Variants in CERS6 observed in about 807,000 individuals in gnomAD.
CERS6 encodes the protein LAG1 homolog, ceramide synthase 6.
A neutral mutation model predicts 56.8 loss-of-function variants in CERS6; 26 were observed. The observed-to-expected ratio is 0.46, with a 90% CI of 0.34 to 0.63. The LOEUF (loss-of-function observed/expected upper bound fraction) is 0.63. Ranked by LOEUF, CERS6 falls within the 30% of genes least tolerant of loss-of-function variation. The pLI is 0.01. For missense variants in CERS6, 415 were observed against 467.5 expected, an observed-to-expected ratio of 0.89 and a Z score of 1.04; for synonymous variants, 164 against 173.3, an observed-to-expected ratio of 0.95 and a Z score of 0.42.
chr2:168,704,755 T>C (rs1047424857), intron 6 of CERS6, among the ~76,000 whole-genome samples: 4 of 152,092 alleles, frequency 2.6e-5, no homozygotes, highest in Non-Finnish European at 5.9e-5. Context: ...TACAGGTGCG[T>C]GCCACCACAC....
At chr2:168,513,578 A>C (rs1694833240) in intron 1 of CERS6, among the ~76,000 whole-genome samples, 1 of 152,176 alleles carries the variant, frequency 6.6e-6, no homozygotes, top group African/African-American at 2.4e-5. Flanking sequence ...GAGGAAGACC[A>C]CAGAGGTGAC....
intron 8 of CERS6, among the ~76,000 whole-genome samples, chr2:168,741,216 C>G (rs1683890984): frequency 6.6e-6 from 1 of 152,056 alleles, no homozygotes; most frequent in South Asian, 2.1e-4. Context: ...ATAAAAGCAA[C>G]AGTGTATCTC....
At chr2:168,473,609 T>C (rs1054456442) in intron 1 of CERS6, among the ~76,000 whole-genome samples, 1 of 152,204 alleles carries the variant, frequency 6.6e-6, no homozygotes, top group Non-Finnish European at 1.5e-5. Context: ...TTATCTAACA[T>C]TAATGCTACA....
At chr2:168,630,803 A>G (rs974467020) in intron 3 of CERS6, among the ~76,000 whole-genome samples, 182 bp from the exon 4 acceptor site, 7 of 152,322 alleles carry the variant, frequency 4.6e-5, no homozygotes, top group Non-Finnish European at 8.8e-5. Flanking sequence ...AATATTTTCT[A>G]TAAGCCATGT....
chr2:168,597,993 A>T (rs1014847162), intron 3 of CERS6, among the ~76,000 whole-genome samples: 4 of 151,998 alleles, frequency 2.6e-5, no homozygotes, highest in Non-Finnish European at 5.9e-5. Flanking sequence ...TTTGTCCTTT[A>T]TCTATAGGTG....
intron 9 of CERS6, chr2:168,766,306 T>G: frequency 6.3e-7 from 1 of 1,597,612 alleles, no homozygotes; most frequent in East Asian, 2.2e-5. Context: ...TTCTCTTCCT[T>G]CTGCTACCCT....
At position 168,466,557 on chromosome 2, in the gene CERS6, G is replaced by A. The variant is rs539317214; in HGVS notation, c.170+9939G>A. Among the ~76,000 whole-genome samples the A allele has an allele frequency of 3.2e-4, 48 of 152,318 alleles. No homozygotes were observed. The South Asian group carries it at 8.1e-3, about 26-fold the overall frequency. On this transcript the variant is annotated intron_variant, in intron 1 of 9. Coordinates refer to ENST00000305747, the MANE Select transcript of CERS6 (RefSeq NM_203463.3). ...TATTATAAAAACAATCTGATTAGAA[G>A]CAGTCAGGTACATATTATTCAACAG...
intron 3 of CERS6, among the ~76,000 whole-genome samples, chr2:168,597,332 A>G (rs1411350902): frequency 5.9e-5 from 9 of 152,144 alleles, no homozygotes; most frequent in Non-Finnish European, 1.2e-4. Flanking sequence ...CTGCCTGGCA[A>G]CCTCCACTTA....
intron 3 of CERS6, among the ~76,000 whole-genome samples, chr2:168,618,764 A>G (rs1381011674): frequency 6.6e-6 from 1 of 152,224 alleles, no homozygotes; most frequent in Non-Finnish European, 1.5e-5. Context: ...TCTCATGCTC[A>G]TGGGTGGGTA....
intron 7 of CERS6, among the ~76,000 whole-genome samples, chr2:168,716,652 A>G (rs1247685041): frequency 6.6e-6 from 1 of 152,174 alleles, no homozygotes; most frequent in Non-Finnish European, 1.5e-5. Flanking sequence ...TTGTGTTTAA[A>G]GCTTATTTAC....
intron 3 of CERS6, among the ~76,000 whole-genome samples, chr2:168,608,237 A>T (rs1344655079): frequency 6.6e-6 from 1 of 152,198 alleles, no homozygotes; most frequent in Non-Finnish European, 1.5e-5. Flanking sequence ...ATTTGAATGG[A>T]TATACCTCAC....
intron 1 of CERS6, among the ~76,000 whole-genome samples, chr2:168,458,165 C>G (rs1315982247): frequency 9.0e-6 from 1 of 111,166 alleles, no homozygotes; most frequent in Admixed American, 8.4e-5. Flanking sequence ...CAGGTTTGCT[C>G]TATGTTGGCA....
intron 3 of CERS6, among the ~76,000 whole-genome samples, chr2:168,593,617 C>G (rs879558796): frequency 2.0e-5 from 3 of 152,144 alleles, no homozygotes; most frequent in Admixed American, 2.0e-4. Context: ...TTAGCCCATT[C>G]TCTGTCACTT....
At chr2:168,620,463 C>T (rs1684442763) in intron 3 of CERS6, among the ~76,000 whole-genome samples, 1 of 152,080 alleles carries the variant, frequency 6.6e-6, no homozygotes, top group South Asian at 2.1e-4. Context: ...GTAGAATGAG[C>T]CTTCTTAGCC....
chr2:168,769,258 T>C (rs1431160757), intron 9 of CERS6, among the ~76,000 whole-genome samples: 1 of 152,210 alleles, frequency 6.6e-6, no homozygotes, highest in Admixed American at 6.5e-5. Flanking sequence ...GTTCTCAATA[T>C]GGAAAGATAC....
At chr2:168,474,021 GA>G (rs1388317364) in intron 1 of CERS6, among the ~76,000 whole-genome samples, 1 of 152,136 alleles carries the variant, frequency 6.6e-6, no homozygotes, top group Middle Eastern at 3.2e-3. Flanking sequence ...TTGCACCTGT[GA>G]ATCTGTACTC....
intron 3 of CERS6, among the ~76,000 whole-genome samples, chr2:168,605,531 G>T (rs1484925819): frequency 6.6e-6 from 1 of 152,216 alleles, no homozygotes; most frequent in Non-Finnish European, 1.5e-5. Context: ...ATAAAGAGGA[G>T]CCTAGTGCTA....
intron 2 of CERS6, among the ~76,000 whole-genome samples, chr2:168,555,803 A>C (rs1349833494): frequency 6.6e-6 from 1 of 151,526 alleles, no homozygotes; most frequent in Non-Finnish European, 1.5e-5. Flanking sequence ...ACTGCAAAAA[A>C]GTACCAGGCT....
At chr2:168,719,634 A>T (rs1687310628) in intron 8 of CERS6, among the ~76,000 whole-genome samples, 1 of 152,204 alleles carries the variant, frequency 6.6e-6, no homozygotes, top group Non-Finnish European at 1.5e-5. Context: ...ATCATGAGTC[A>T]TCAGAATATT....
Sources: allele counts gnomAD v4.1 joint callset (sites outside exome capture counted in the v4.1 genomes callset), GRCh38; gene constraint gnomAD v4.1.1; transcripts MANE v1.5; gene names NCBI Gene and HGNC (gene_info 2026-07-23, HGNC 2026-07-21).